The following ZNF766 variants were observed in gnomAD, a reference collection of about 807,000 sequenced individuals.
ZNF766 encodes zinc finger protein 766.
In ZNF766, 13 loss-of-function variants were observed where a neutral mutation model predicts 13.2. The ratio of observed to expected loss-of-function variants is 0.98; its 90% CI spans 0.64 to 1.56. The LOEUF (loss-of-function observed/expected upper bound fraction) is 1.56. Ranked by LOEUF, ZNF766 falls within the 40% of genes most tolerant of loss-of-function variation. The pLI is 0.00. For missense variants in ZNF766, 521 were observed against 552.2 expected, an observed-to-expected ratio of 0.94 and a Z score of 0.57; for synonymous variants, 178 against 187.6, an observed-to-expected ratio of 0.95 and a Z score of 0.42.
chr19:52,270,461 G>T (rs189727340), intron 1 of ZNF766, among the ~76,000 whole-genome samples: 61 of 152,268 alleles, frequency 4.0e-4, no homozygotes, highest in Middle Eastern at 3.4e-3. Flanking sequence ...GGACAGCAAG[G>T]TAGGGAGAGG....
At chr19:52,272,873 G>A (rs1327419026) in intron 1 of ZNF766, among the ~76,000 whole-genome samples, 1 of 152,030 alleles carries the variant, frequency 6.6e-6, no homozygotes, top group Admixed American at 6.6e-5. Context: ...ACCTTCGTAT[G>A]TGCCACTTTC....
intron 3 of ZNF766, among the ~76,000 whole-genome samples, chr19:52,286,904 C>T (rs1299972868): frequency 2.0e-5 from 3 of 151,964 alleles, no homozygotes; most frequent in Admixed American, 6.6e-5. Flanking sequence ...GGCTTGATCT[C>T]GGCCCACTGC....
intron 3 of ZNF766, 56 bp from the exon 4 acceptor site, chr19:52,289,999 TCAAAAAAAGTG>T: frequency 1.3e-6 from 2 of 1,509,032 alleles, no homozygotes; most frequent in Non-Finnish European, 1.8e-6. Context: ...AGACTCCAAC[TCAAAAAAAGTG>T]CAAAAAACAT....
chr19:52,290,493 G>T lies in ZNF766; in HGVS notation c.702G>T (p.Trp234Cys). Residue 234 changes from tryptophan (W) to cysteine (C), a missense_variant, in exon 4 of 4, where the codon TGG becomes TGT. Trp to Cys is a radical substitution (Grantham distance 215). Transcript: ENST00000439461. ...VRDKSGLAEH[W>C]RIRTGEKPYK... ...ACAAGTCAGGCCTCGCAGAACATTG[G>T]AGAATTCGTACAGGAGAGAAACCTT... is the stretch of plus-strand genomic sequence containing the variant. The T allele has an allele frequency of 6.2e-7, 1 of 1,614,052 alleles. No individual in the cohort carries two copies. The highest frequency in any genetic ancestry group is 8.5e-7 in the Non-Finnish European group (1 of 1,179,950).
chr19:52,293,173 C>CTTTTTTTT lies in ZNF766; in HGVS notation c.*1986_*1993dup. 1 of 130,360 alleles carries CTTTTTTTT rather than the reference C, an allele frequency of 7.7e-6. No homozygotes were observed. Among genetic ancestry groups the CTTTTTTTT allele is most frequent in the Non-Finnish European group, 1.6e-5 (1 of 62,236 alleles). The allele number at this position is 130,360 out of a possible 1,614,324, so 8.1% of individuals were successfully genotyped here. Reference sequence around the variant, plus strand: ...TCCTTTTTATGGCTGCATAGTATTCCTTTTTTTTTTTTTTTTTTGAGATGA... The same window carrying CTTTTTTTT: ...TCCTTTTTATGGCTGCATAGTATTCCTTTTTTTTTTTTTTTTTTTTTTTTTTGAGATGA... On this transcript the variant is annotated 3_prime_UTR_variant, in exon 4 of 4. Transcript: ENST00000439461.
intron 3 of ZNF766, among the ~76,000 whole-genome samples, 193 bp from the exon 4 acceptor site, chr19:52,289,873 C>CAT (rs1982028773): frequency 6.6e-6 from 1 of 152,114 alleles, no homozygotes; most frequent in Admixed American, 6.5e-5. Context: ...TGGTGGCGGA[C>CAT]GCCTGTAGTC....
intron 1 of ZNF766, chr19:52,274,346 C>CA (rs1470544189): frequency 6.6e-6 from 1 of 152,548 alleles, no homozygotes; most frequent in Admixed American, 6.5e-5. Context: ...CATAAGATTA[C>CA]ACTGGAGCTG....
intron 3 of ZNF766, among the ~76,000 whole-genome samples, chr19:52,285,907 G>A (rs1172465464): frequency 2.0e-5 from 3 of 152,180 alleles, no homozygotes; most frequent in African/African-American, 4.8e-5. Context: ...GGCTATGGGA[G>A]TTATGAGCCA....
chr19:52,287,098 G>A (rs1020881560), intron 3 of ZNF766, among the ~76,000 whole-genome samples: 1 of 151,248 alleles, frequency 6.6e-6, no homozygotes, highest in African/African-American at 2.4e-5. Context: ...GCCTCCCAAA[G>A]TGCTGGGATT....
intron 1 of ZNF766, chr19:52,274,618 C>A (rs975670485): frequency 3.3e-4 from 50 of 152,504 alleles, no homozygotes; most frequent in African/African-American, 1.2e-3. Flanking sequence ...CACGGTGGCT[C>A]ACATCTATAA....
chr19:52,287,685 A>G (rs1479157656), intron 3 of ZNF766, among the ~76,000 whole-genome samples: 1 of 152,138 alleles, frequency 6.6e-6, no homozygotes, highest in Non-Finnish European at 1.5e-5. Context: ...TAGATTTTCT[A>G]CTTCATTGTT....
In ZNF766 at chr19:52,291,972, C is replaced by T. The variant is rs758341644; in HGVS notation, c.*774C>T. On this transcript the variant is annotated 3_prime_UTR_variant, in exon 4 of 4. Coordinates refer to ENST00000439461, the MANE Select transcript of ZNF766 (RefSeq NM_001010851.3). ...CTGTAGTTCCAGCTACTCAAGAGGC[C>T]GAGGCAAGAGGATTGCTCAAGCCCA... 1.3e-4 allele frequency: 72 copies of T among 557,636 alleles called. No homozygotes were observed. The highest frequency in any genetic ancestry group is 2.9e-4 in the African/African-American group (15 of 52,320). 34.5% of individuals were successfully genotyped at this position (557,636 alleles called of 1,614,324 possible). A position where few individuals can be genotyped will look rare whatever the true frequency, so the allele number is the denominator to read the frequency against.
At chr19:52,287,123 C>T (rs578064026) in intron 3 of ZNF766, among the ~76,000 whole-genome samples, 168 of 152,006 alleles carry the variant, frequency 1.1e-3, no homozygotes, top group Non-Finnish European at 1.6e-3. Context: ...GTGTGAGCCA[C>T]CGTGCCCGAC....
chr19:52,284,546 C>A (rs1039759066), intron 3 of ZNF766, among the ~76,000 whole-genome samples: 1 of 152,060 alleles, frequency 6.6e-6, no homozygotes, highest in African/African-American at 2.4e-5. Flanking sequence ...GAGATTTCTC[C>A]CCACCAGCAA....
intron 2 of ZNF766, 156 bp downstream of exon 2, chr19:52,282,393 TG>T: frequency 1.2e-6 from 1 of 853,328 alleles, no homozygotes; most frequent in Non-Finnish European, 1.7e-6. Context: ...CCCAGCACTT[TG>T]GGAGGCTGAG....
At position 52,295,698 on chromosome 19, in the gene ZNF766, T is replaced by C. The variant is rs1982316523; in HGVS notation, c.*4500T>C. On this transcript the variant is annotated 3_prime_UTR_variant, in exon 4 of 4. Coordinates refer to ENST00000439461, the MANE Select transcript of ZNF766 (RefSeq NM_001010851.3). ...GTAACGTGAAGTGATTCCAACCCTT[T>C]ATCTTTATTTTATTTATTTATTTTA... 1 of 152,076 alleles carries C rather than the reference T, an allele frequency of 6.6e-6. No homozygotes were observed. The highest frequency in any genetic ancestry group is 1.5e-5 in the Non-Finnish European group (1 of 68,000). The allele number at this position is 152,076 out of a possible 1,614,324, so 9.4% of individuals were successfully genotyped here.
At chr19:52,277,019 C>T (rs953787150) in intron 1 of ZNF766, 11 of 778,046 alleles carry the variant, frequency 1.4e-5, no homozygotes, top group South Asian at 5.7e-5. Context: ...TTTATTGTCC[C>T]GGCATCAACT....
rs2122495702 is a variant in ZNF766 at position 52,292,126 on chromosome 19, T to G, written c.*928T>G. On this transcript the variant is annotated 3_prime_UTR_variant, in exon 4 of 4. Coordinates refer to ENST00000439461, the MANE Select transcript of ZNF766 (RefSeq NM_001010851.3). ...ATGACTTCAACCTGAACTTTGAAATTTCTTCATGTGCCTTCCCTACAGGCC... is the reference window on the plus strand; with the variant it reads ...ATGACTTCAACCTGAACTTTGAAATGTCTTCATGTGCCTTCCCTACAGGCC... 1.4e-6 allele frequency: 1 copy of G among 702,072 alleles called. No individual in the cohort carries two copies. The highest frequency in any genetic ancestry group is 2.7e-5 in the East Asian group (1 of 37,236). 43.5% of individuals were successfully genotyped at this position (702,072 alleles called of 1,614,324 possible).
chr19:52,279,789 CTTTTT>C, intron 1 of ZNF766, among the ~76,000 whole-genome samples: 1 of 64,866 alleles, frequency 1.5e-5, no homozygotes, highest in African/African-American at 6.9e-5. Context: ...TTTACCTTTT[CTTTTT>C]TTTTTTTTTT....
Sources: gnomAD v4.1 joint callset for allele counts (sites outside exome capture counted in the v4.1 genomes callset) on GRCh38, gnomAD v4.1.1 for gene constraint, MANE v1.5 for transcripts, NCBI Gene and HGNC (gene_info 2026-07-23, HGNC 2026-07-21) for gene names.